Variants in CD34 observed in about 807,000 individuals in gnomAD.
The protein encoded by CD34 is hematopoietic progenitor cell antigen CD34.
In CD34, 34 loss-of-function variants were observed where a neutral mutation model predicts 40.1. The ratio of observed to expected loss-of-function variants is 0.85; its 90% CI spans 0.65 to 1.13. CD34 has a LOEUF of 1.13. Among genes scored for constraint, CD34 ranks in the 50% most tolerant of loss-of-function variants. CD34 has a pLI of 0.00. For missense variants in CD34, 426 were observed against 466.9 expected, an observed-to-expected ratio of 0.91 and a Z score of 0.81; for synonymous variants, 209 against 190.0, an observed-to-expected ratio of 1.10 and a Z score of -0.82.
chr1:207,888,220 C>T, intron 7 of CD34: 1 of 1,243,506 alleles, frequency 8.0e-7, no homozygotes, highest in Non-Finnish European at 1.2e-6. Context: ...GTGGGATGAC[C>T]TCCCCAGGGT....
chr1:207,887,552 T>C lies in CD34; in HGVS notation c.*186A>G, dbSNP rs1471614328. On this transcript the variant is annotated 3_prime_UTR_variant, in exon 8 of 8. Transcript: ENST00000310833. ...GAGTCTGGCTCCAGGGAGCCGAATG[T>C]GTAAAGGACAGGAGTTTACCTGCCC... The C allele has an allele frequency of 1.3e-6, 1 of 756,686 alleles. No homozygotes were observed. The highest frequency in any genetic ancestry group is 2.1e-6 in the Non-Finnish European group (1 of 482,246). The allele number at this position is 756,686 out of a possible 1,614,324, so 46.9% of individuals were successfully genotyped here.
chr1:207,894,913 C>T (rs907023249), intron 4 of CD34, among the ~76,000 whole-genome samples: 11 of 152,176 alleles, frequency 7.2e-5, no homozygotes, highest in African/African-American at 2.7e-4. Flanking sequence ...TATTGGTACT[C>T]ACTATGTGTC....
At chr1:207,909,322 A>G (rs1477975054) in intron 1 of CD34, among the ~76,000 whole-genome samples, 1 of 152,216 alleles carries the variant, frequency 6.6e-6, no homozygotes, top group Non-Finnish European at 1.5e-5. Flanking sequence ...AGGTCATCAC[A>G]AGCTGTGTAG....
intron 4 of CD34, among the ~76,000 whole-genome samples, chr1:207,897,135 G>A (rs1008708308): frequency 6.6e-6 from 1 of 152,046 alleles, no homozygotes; most frequent in African/African-American, 2.4e-5. Context: ...TATCTGGTGA[G>A]TGAGAAGGAC....
In CD34 at chr1:207,899,844, T is replaced by C. The variant is rs200225798; in HGVS notation, c.239A>G (p.Asn80Ser). The part of the protein sequence containing the change: ...TSLHPVSQHG[N>S]EATTNITETT... The stretch of plus-strand genomic sequence containing the variant: ...ACCTGTGATGTTTGTTGTGGCCTCA[T>C]TGCCATGTTGAGACACAGGGTGCAG... Residue 80 changes from asparagine to serine, a missense_variant, in exon 2 of 8, where the codon AAT (asparagine) becomes AGT (serine). Asn to Ser is a conservative substitution (Grantham distance 46). Transcript: ENST00000310833. The C allele has an allele frequency of 9.3e-6, 15 of 1,612,052 alleles. No homozygotes were observed. In the East Asian group the frequency reaches 2.7e-4, roughly 29 times the overall value.
rs1249153613 is a variant in CD34, at chr1:207,883,468, G to C, written c.*4270C>G. 6.6e-6 allele frequency: 1 copy of C among 151,700 alleles called. No individual in the cohort carries two copies. The highest frequency in any genetic ancestry group is 1.5e-5 in the Non-Finnish European group (1 of 67,928). 9.4% of individuals were successfully genotyped at this position (151,700 alleles called of 1,614,324 possible). A position where few individuals can be genotyped will look rare whatever the true frequency, so the allele number is the denominator to read the frequency against. On this transcript the variant is annotated 3_prime_UTR_variant, in exon 8 of 8. Transcript: ENST00000310833. The stretch of plus-strand genomic sequence containing the variant: ...CTTTCTGTTGTGCATTTTTTTTCTT[G>C]CTTCTTTGTTTAAATGTGTGTTGTA...
chr1:207,889,174 G>A lies in CD34; in HGVS notation c.794C>T (p.Ser265Phe), dbSNP rs1558117535. Reference sequence around the variant, plus strand: ...CAGAGGACTTACCTTTTTCAGGTCAGATTGGTGCTTTTTCATAAGTTGGAG... The same window carrying A: ...CAGAGGACTTACCTTTTTCAGGTCAAATTGGTGCTTTTTCATAAGTTGGAG... Reference protein sequence around the residue: ...SKLQLMKKHQSDLKKLGILDF... With the variant: ...SKLQLMKKHQFDLKKLGILDF... Residue 265 changes from serine to phenylalanine, a missense_variant, in exon 6 of 8, where the codon TCT (serine) becomes TTT (phenylalanine). By Grantham distance (155) the Ser-to-Phe change is radical (BLOSUM62 -2). Coordinates refer to ENST00000310833, the MANE Select transcript of CD34 (RefSeq NM_001025109.2). 1.3e-6 allele frequency: 2 copies of A among 1,595,520 alleles called. No individual in the cohort carries two copies. Among genetic ancestry groups the A allele is most frequent in the Non-Finnish European group, 1.7e-6 (2 of 1,162,956 alleles).
At chr1:207,890,357 A>G in intron 4 of CD34, 1 of 413,668 alleles carries the variant, frequency 2.4e-6, no homozygotes, top group Non-Finnish European at 3.3e-6. Flanking sequence ...TGAACAGGAA[A>G]GGAATTGAAA....
rs1448735668 is a variant in CD34 at position 207,883,790 on chromosome 1, T to C, written c.*3948A>G. Reference sequence around the variant, plus strand: ...AATAGACTGAGCAAGTCCTGTTACCTCTACTTTGAAACCACTTTTTGAATT... The same window carrying C: ...AATAGACTGAGCAAGTCCTGTTACCCCTACTTTGAAACCACTTTTTGAATT... On this transcript the variant is annotated 3_prime_UTR_variant, in exon 8 of 8. Coordinates refer to ENST00000310833, the MANE Select transcript of CD34 (RefSeq NM_001025109.2). 5.3e-5 allele frequency: 8 copies of C among 152,192 alleles called. No individual in the cohort carries two copies. Among genetic ancestry groups the C allele is most frequent in the Non-Finnish European group, 1.0e-4 (7 of 68,032 alleles). 9.4% of individuals were successfully genotyped at this position (152,192 alleles called of 1,614,324 possible).
intron 4 of CD34, chr1:207,890,156 T>A: frequency 9.5e-7 from 1 of 1,048,444 alleles, no homozygotes; most frequent in Non-Finnish European, 1.1e-6. Flanking sequence ...GGCATTTTTG[T>A]CTCGTCTTCC....
At chr1:207,910,693 TGGCAA>T (rs1363018938) in intron 1 of CD34, among the ~76,000 whole-genome samples, 1 of 146,290 alleles carries the variant, frequency 6.8e-6, no homozygotes, top group Non-Finnish European at 1.5e-5. Context: ...TCCGCGCCTC[TGGCAA>T]CCAGAAGAGA....
At chr1:207,899,281 A>C (rs12029239) in intron 2 of CD34, 55 bp from the exon 3 acceptor site, 269,138 of 1,585,360 alleles carry the variant, frequency 0.17, 27,307 homozygotes, top group East Asian at 0.42. Context: ...TAGATACACA[A>C]AATCTCAGGT....
chr1:207,907,012 C>T (rs1486412868), intron 1 of CD34, among the ~76,000 whole-genome samples: 31 of 152,092 alleles, frequency 2.0e-4, no homozygotes, highest in Admixed American at 2.0e-3. Context: ...GGCTCCATGG[C>T]TCAATGGCTC....
In CD34 at chr1:207,906,664, G is replaced by A. The variant is rs562891576; in HGVS notation, c.79+4338C>T. 2.6e-5 allele frequency among the ~76,000 whole-genome samples: 4 copies of A among 152,170 alleles called. No individual in the cohort carries two copies. The East Asian group carries it at 7.8e-4, about 30-fold the overall frequency. The stretch of plus-strand genomic sequence containing the variant: ...GTTCGAGACCAGCCTGACCAATATA[G>A]AGAAAACCCGTCTCTACTAAAAATA... On this transcript the variant is annotated intron_variant, in intron 1 of 7. Transcript: ENST00000310833.
chr1:207,885,848 CT>C lies in CD34; in HGVS notation c.*1889del, dbSNP rs1661887082. ...TGGAGATAAGAATGGAAGAATCAAC[CT>C]TTGTTTGGCCCCAACTGCCTCTGCC... On this transcript the variant is annotated 3_prime_UTR_variant, in exon 8 of 8. Transcript: ENST00000310833. 6.6e-6 allele frequency: 1 copy of C among 152,004 alleles called. No homozygotes were observed. Among genetic ancestry groups the C allele is most frequent in the Non-Finnish European group, 1.5e-5 (1 of 68,114 alleles). The allele number at this position is 152,004 out of a possible 1,614,324, so 9.4% of individuals were successfully genotyped here.
intron 1 of CD34, among the ~76,000 whole-genome samples, chr1:207,901,497 G>T (rs1662271156): frequency 6.6e-6 from 1 of 152,230 alleles, no homozygotes; most frequent in Non-Finnish European, 1.5e-5. Context: ...GGGTGTCCCA[G>T]GCACACATGC....
intron 4 of CD34, among the ~76,000 whole-genome samples, chr1:207,895,645 T>A (rs1013112032): frequency 4.6e-5 from 7 of 152,336 alleles, no homozygotes; most frequent in Admixed American, 1.3e-4. Context: ...ACTTTTCTCA[T>A]ACAGTGACCC....
At chr1:207,901,451 A>G (rs907327315) in intron 1 of CD34, among the ~76,000 whole-genome samples, 2 of 152,224 alleles carry the variant, frequency 1.3e-5, no homozygotes, top group African/African-American at 4.8e-5. Flanking sequence ...GCTTGCAGGG[A>G]GAAGAGTTAG....
chr1:207,892,804 C>T (rs570161449), intron 4 of CD34, among the ~76,000 whole-genome samples: 1 of 152,204 alleles, frequency 6.6e-6, no homozygotes, highest in South Asian at 2.1e-4. Flanking sequence ...ATAGCATTTA[C>T]AACCCAGACT....
Sources: allele counts gnomAD v4.1 joint callset (sites outside exome capture counted in the v4.1 genomes callset), GRCh38; gene constraint gnomAD v4.1.1; transcripts MANE v1.5; gene names NCBI Gene and HGNC (gene_info 2026-07-23, HGNC 2026-07-21).